Variants in KLHL1 observed in about 807,000 individuals in gnomAD.
KLHL1 encodes kelch like family member 1.
Under a neutral mutation model 77.7 loss-of-function variants are expected in KLHL1, and 47 were observed. The observed-to-expected ratio is 0.60, with a 90% CI of 0.48 to 0.77. The LOEUF (loss-of-function observed/expected upper bound fraction) is 0.77. KLHL1 is among the 30% of genes least tolerant of loss of function. The pLI is 0.00. For synonymous variants in KLHL1, 360 were observed against 325.2 expected (o/e 1.11, Z -1.15); for missense variants, 925 against 910.8 (o/e 1.02, Z -0.20).
At chr13:70,073,832 C>CA (rs1887197771) in intron 1 of KLHL1, among the ~76,000 whole-genome samples, 1 of 125,924 alleles carries the variant, frequency 7.9e-6, no homozygotes, top group African/African-American at 3.1e-5. Flanking sequence ...ACATAATTTT[C>CA]TTTTTTTTTT....
intron 1 of KLHL1, among the ~76,000 whole-genome samples, chr13:70,060,395 C>A (rs1886850492): frequency 6.6e-6 from 1 of 152,120 alleles, no homozygotes; most frequent in Non-Finnish European, 1.5e-5. Context: ...AGAATATGAT[C>A]TAGCAATCCC....
intron 4 of KLHL1, among the ~76,000 whole-genome samples, chr13:69,934,820 T>G (rs1025973355): frequency 1.3e-5 from 2 of 151,700 alleles, no homozygotes; most frequent in Admixed American, 1.3e-4. Context: ...TTTAACCAAA[T>G]CTACACCTGA....
intron 8 of KLHL1, among the ~76,000 whole-genome samples, chr13:69,725,716 C>T (rs933419100): frequency 3.9e-5 from 6 of 152,102 alleles, no homozygotes; most frequent in African/African-American, 1.2e-4. Flanking sequence ...GAAAGAAAAG[C>T]GGTCACCAAT....
intron 1 of KLHL1, among the ~76,000 whole-genome samples, chr13:70,015,347 T>G (rs922141660): frequency 4.2e-4 from 64 of 152,180 alleles, no homozygotes; most frequent in African/African-American, 1.5e-3. Flanking sequence ...TATTTGTGTA[T>G]CTAAACATAA....
intron 7 of KLHL1, among the ~76,000 whole-genome samples, chr13:69,790,876 C>T (rs1438112854): frequency 6.6e-6 from 1 of 151,994 alleles, no homozygotes; most frequent in African/African-American, 2.4e-5. Flanking sequence ...ATGGGGAAAT[C>T]CCATTTCTAA....
At chr13:70,056,153 AT>A (rs1241428925) in intron 1 of KLHL1, among the ~76,000 whole-genome samples, 1 of 152,136 alleles carries the variant, frequency 6.6e-6, no homozygotes, top group East Asian at 1.9e-4. Flanking sequence ...GAAAAAAGAT[AT>A]CCCATGGAAA....
chr13:69,743,824 GAAA>G (rs10608243), intron 7 of KLHL1, among the ~76,000 whole-genome samples: 49 of 134,842 alleles, frequency 3.6e-4, no homozygotes, highest in African/African-American at 1.1e-3. Context: ...CAAAAAAACA[GAAA>G]AAAAAAAAAA....
intron 1 of KLHL1, among the ~76,000 whole-genome samples, chr13:70,020,929 C>G (rs1885775007): frequency 1.3e-5 from 2 of 152,052 alleles, no homozygotes; most frequent in South Asian, 2.1e-4. Flanking sequence ...ACAAGTTTTT[C>G]CACATATCCC....
intron 7 of KLHL1, among the ~76,000 whole-genome samples, chr13:69,772,056 ATTATCC>A: frequency 6.6e-6 from 1 of 152,204 alleles, no homozygotes; most frequent in East Asian, 1.9e-4. Flanking sequence ...GGTTCAAGCA[ATTATCC>A]TGCCTTTGCC....
intron 3 of KLHL1, among the ~76,000 whole-genome samples, chr13:69,959,667 TTC>T (rs750717803): frequency 7.0e-4 from 73 of 104,074 alleles, no homozygotes; most frequent in African/African-American, 1.6e-3. Context: ...ACTTTTTTTT[TTC>T]CCCCCAAAGG....
intron 1 of KLHL1, among the ~76,000 whole-genome samples, chr13:70,025,485 A>G (rs1456486412): frequency 2.0e-5 from 3 of 151,956 alleles, no homozygotes; most frequent in Non-Finnish European, 4.4e-5. Context: ...GAACATCTAG[A>G]CAAGAACATG....
At chr13:69,745,480 T>A (rs559269228) in intron 7 of KLHL1, among the ~76,000 whole-genome samples, 2 of 152,098 alleles carry the variant, frequency 1.3e-5, no homozygotes, top group Admixed American at 6.6e-5. Flanking sequence ...TGTCTTTTGA[T>A]GAAAAGGAGT....
At chr13:69,868,728 T>C (rs1303597033) in intron 5 of KLHL1, among the ~76,000 whole-genome samples, 1 of 152,132 alleles carries the variant, frequency 6.6e-6, no homozygotes, top group Non-Finnish European at 1.5e-5. Flanking sequence ...ATTTTTTTTT[T>C]GTTTGAAAGC....
At chr13:69,757,832 CTGTA>C (rs1874827214) in intron 7 of KLHL1, among the ~76,000 whole-genome samples, 1 of 151,822 alleles carries the variant, frequency 6.6e-6, no homozygotes, top group South Asian at 2.1e-4. Context: ...TGGCAGGTGC[CTGTA>C]ATCCCAGCTA....
intron 8 of KLHL1, 121 bp from the exon 9 acceptor site, chr13:69,719,702 T>C (rs1415593548): frequency 2.9e-6 from 2 of 683,304 alleles, no homozygotes; most frequent in Non-Finnish European, 4.9e-6. Context: ...ATATATTACT[T>C]TGCAGGGAGA....
At chr13:69,705,771 A>G (rs1875597020) in intron 10 of KLHL1, among the ~76,000 whole-genome samples, 1 of 151,766 alleles carries the variant, frequency 6.6e-6, no homozygotes, top group Non-Finnish European at 1.5e-5. Context: ...AAAATACTAT[A>G]TGATCCAAAA....
At position 70,108,067 on chromosome 13, in the gene KLHL1, C is replaced by A. The variant is rs563691018; in HGVS notation, c.-368G>T. 4.8e-6 allele frequency: 2 copies of A among 418,186 alleles called. No homozygotes were observed. Among genetic ancestry groups the A allele is most frequent in the South Asian group, 1.9e-4 (2 of 10,768 alleles). 25.9% of individuals were successfully genotyped at this position (418,186 alleles called of 1,614,324 possible). A position where few individuals can be genotyped will look rare whatever the true frequency, so the allele number is the denominator to read the frequency against. ...GATGCGCGAGGGAGGGAGGTCTGAG[C>A]GCTCCGAAGCTCCGGAGGCGGCTGC... On this transcript the variant is annotated 5_prime_UTR_variant, in exon 1 of 11. Transcript: ENST00000377844.
intron 4 of KLHL1, among the ~76,000 whole-genome samples, chr13:69,902,198 G>A (rs745748333): frequency 6.6e-6 from 1 of 152,144 alleles, no homozygotes; most frequent in Non-Finnish European, 1.5e-5. Flanking sequence ...GTTCCTGAAA[G>A]GTATTGAAAA....
chr13:70,033,298 G>GTT (rs1321455444), intron 1 of KLHL1, among the ~76,000 whole-genome samples: 1 of 151,824 alleles, frequency 6.6e-6, no homozygotes, highest in Admixed American at 6.6e-5. Flanking sequence ...GTTTCGTTTT[G>GTT]TTTTGTTTTG....
Sources: allele counts gnomAD v4.1 joint callset (sites outside exome capture counted in the v4.1 genomes callset), GRCh38; gene constraint gnomAD v4.1.1; transcripts MANE v1.5; gene names NCBI Gene and HGNC (gene_info 2026-07-23, HGNC 2026-07-21).